Variants in CLPB observed in about 807,000 individuals in gnomAD.
The protein encoded by CLPB is mitochondrial disaggregase.
Under a neutral mutation model 78.4 loss-of-function variants are expected in CLPB, and 40 were observed. The ratio of observed to expected loss-of-function variants is 0.51; its 90% confidence interval spans 0.40 to 0.66. The LOEUF (loss-of-function observed/expected upper bound fraction) is 0.66, where lower values mean the gene tolerates loss of function less well. CLPB is among the 30% of genes least tolerant of loss of function. CLPB has a pLI of 0.00. For synonymous variants in CLPB, 333 were observed against 348.0 expected (o/e 0.96, Z 0.48); for missense variants, 780 against 886.9 (o/e 0.88, Z 1.53).
chr11:72,416,508 G>C (rs1280812332), intron 2 of CLPB, among the ~76,000 whole-genome samples: 1 of 152,100 alleles, frequency 6.6e-6, no homozygotes, highest in African/African-American at 2.4e-5. Context: ...GGCTGAGGCA[G>C]GCAGATCACC....
chr11:72,429,584 G>A (rs1461309970), intron 2 of CLPB, among the ~76,000 whole-genome samples: 1 of 152,178 alleles, frequency 6.6e-6, no homozygotes, highest in African/African-American at 2.4e-5. Flanking sequence ...CCAAGGTTAG[G>A]CCCAGTGGGG....
Position 72,372,499 on chromosome 11 carries a change from C to T in CLPB, c.646+7782G>A, listed in dbSNP as rs117371923. 6.6e-4 allele frequency among the ~76,000 whole-genome samples: 101 copies of T among 152,256 alleles called. No homozygotes were observed. The East Asian group carries it at 7.7e-3, about 12-fold the overall frequency. On this transcript the variant is annotated intron_variant, in intron 4 of 15. Coordinates refer to ENST00000538039, the MANE Select transcript of CLPB (RefSeq NM_001258392.3). ...TCTCTAGGAGTGAAGCTTAAAGTGGCAAAATAAGATCTCTGGTAGGGAGGT... is the reference window on the plus strand; with the variant it reads ...TCTCTAGGAGTGAAGCTTAAAGTGGTAAAATAAGATCTCTGGTAGGGAGGT...
intron 2 of CLPB, among the ~76,000 whole-genome samples, chr11:72,422,252 C>G (rs1856228200): frequency 9.5e-6 from 1 of 104,870 alleles, no homozygotes; most frequent in Non-Finnish European, 1.7e-5. Flanking sequence ...GGTGACAGAG[C>G]AAGACTCCGT....
At chr11:72,301,664 C>G (rs1949657850) in intron 11 of CLPB, 139 bp downstream of exon 11, 1 of 950,490 alleles carries the variant, frequency 1.1e-6, no homozygotes, top group Admixed American at 2.3e-5. Flanking sequence ...GTTGCACCTA[C>G]TGGATGAATG....
chr11:72,295,466 C>T (rs777934066), intron 12 of CLPB, 26 bp downstream of exon 12: 22 of 1,609,048 alleles, frequency 1.4e-5, no homozygotes, highest in Admixed American at 6.7e-5. Flanking sequence ...GTCACTGGAC[C>T]AGACTGCTCA....
intron 5 of CLPB, among the ~76,000 whole-genome samples, chr11:72,338,803 A>G (rs1950367699): frequency 6.6e-6 from 1 of 152,260 alleles, no homozygotes. Flanking sequence ...ATGGGTTCGC[A>G]GAAGCCAAGT....
chr11:72,371,623 C>T (rs995103312), intron 4 of CLPB, among the ~76,000 whole-genome samples: 1 of 150,788 alleles, frequency 6.6e-6, no homozygotes, highest in African/African-American at 2.4e-5. Flanking sequence ...CACAATGTTG[C>T]CCAGGCTGGT....
intron 11 of CLPB, among the ~76,000 whole-genome samples, chr11:72,297,179 C>T (rs1225307505): frequency 1.3e-5 from 2 of 152,226 alleles, no homozygotes; most frequent in African/African-American, 2.4e-5. Flanking sequence ...AGCCAGAAAC[C>T]GTGGCTCTGG....
rs369380599 is a variant in CLPB, at chr11:72,295,516, G to A, written c.1462C>T (p.Arg488Cys). ...QLRQEALEMS[R>C]NRIAENLGDV... is the part of the protein sequence containing the mutation. ...CCCAGGTTTTCGGCAATACGGTTAC[G>A]GCTCATCTCCAAAGCTTCCTGCCTC... Residue 488 changes from arginine to cysteine, a missense_variant, in exon 12 of 16, where the codon CGT becomes TGT. Around this residue, in one of 3 missense-constraint regions of CLPB, gnomAD observed 272 missense variants for 304.0 expected, o/e 0.89. Transcript: ENST00000538039. 18 of 1,614,056 alleles carry A rather than the reference G, an allele frequency of 1.1e-5. No individual in the cohort carries two copies. The highest frequency in any genetic ancestry group is 2.2e-5 in the South Asian group (2 of 91,080).
intron 9 of CLPB, among the ~76,000 whole-genome samples, chr11:72,305,362 C>T (rs567615343): frequency 6.6e-6 from 1 of 152,322 alleles, no homozygotes; most frequent in South Asian, 2.1e-4. Context: ...GTAGATGGGG[C>T]ACTGCTATGG....
chr11:72,434,119 G>C lies in CLPB; in HGVS notation c.356C>G (p.Ala119Gly), dbSNP rs1191592329. The change falls in exon 1 of 16, where the codon GCC becomes GGC. Residue 119 changes from alanine to glycine, a missense_variant. Around this residue, in one of 3 missense-constraint regions of CLPB, gnomAD observed 417 missense variants for 414.7 expected, o/e 1.01. Coordinates refer to ENST00000538039, the MANE Select transcript of CLPB (RefSeq NM_001258392.3). Reference sequence around the variant, plus strand: ...GTAGCAATGAACCACCAGCGCTGCGGCCAGGGCGCACATGCCCAGTCCGGC... The same window carrying C: ...GTAGCAATGAACCACCAGCGCTGCGCCCAGGGCGCACATGCCCAGTCCGGC... ...SRAGLGMCALAAALVVHCYSK... is the reference protein window; with the variant it reads ...SRAGLGMCALGAALVVHCYSK... The C allele has an allele frequency of 2.5e-6, 4 of 1,611,840 alleles. No homozygotes were observed. In the South Asian group the frequency reaches 3.3e-5, roughly 13 times the overall value.
At chr11:72,402,841 A>T (rs1406138715) in intron 3 of CLPB, 125 bp downstream of exon 3, 6 of 707,808 alleles carry the variant, frequency 8.5e-6, no homozygotes, top group East Asian at 2.6e-5. Flanking sequence ...CCAGTACCTC[A>T]GTCTGAATCT....
intron 5 of CLPB, among the ~76,000 whole-genome samples, chr11:72,331,532 T>C (rs1039868316): frequency 3.3e-5 from 5 of 149,936 alleles, no homozygotes; most frequent in African/African-American, 1.2e-4. Context: ...TGGGCCACTG[T>C]GCCCAGCCAC....
At chr11:72,294,247 G>A in intron 14 of CLPB, 78 bp downstream of exon 14, 1 of 1,610,578 alleles carries the variant, frequency 6.2e-7, no homozygotes, top group Non-Finnish European at 8.5e-7. Flanking sequence ...TTATGTGTGT[G>A]GGGGTGCCCC....
intron 2 of CLPB, among the ~76,000 whole-genome samples, chr11:72,409,383 A>AG (rs1415527211): frequency 6.6e-6 from 1 of 152,064 alleles, no homozygotes; most frequent in Non-Finnish European, 1.5e-5. Flanking sequence ...CAGGAGTTCG[A>AG]GACCAGCCCA....
intron 6 of CLPB, among the ~76,000 whole-genome samples, chr11:72,329,474 G>A (rs980204671): frequency 5.9e-5 from 9 of 152,276 alleles, no homozygotes; most frequent in African/African-American, 1.4e-4. Context: ...GGCCAAGGCC[G>A]CTCCCTGGTC....
At chr11:72,321,637 G>T (rs73528897) in intron 6 of CLPB, among the ~76,000 whole-genome samples, 1 of 152,086 alleles carries the variant, frequency 6.6e-6, no homozygotes, top group Non-Finnish European at 1.5e-5. Context: ...CATCCCTCAG[G>T]GCAGAGGTCT....
intron 5 of CLPB, among the ~76,000 whole-genome samples, chr11:72,340,399 C>A (rs555603912): frequency 6.6e-6 from 1 of 152,148 alleles, no homozygotes; most frequent in Non-Finnish European, 1.5e-5. Context: ...GGGATCGATA[C>A]GGAATTTATC....
intron 7 of CLPB, 118 bp downstream of exon 7, chr11:72,316,988 T>A (rs762553534): frequency 3.2e-6 from 2 of 619,988 alleles, no homozygotes; most frequent in Non-Finnish European, 5.5e-6. Flanking sequence ...GGCATGTAGA[T>A]AGTACTCAAC....
Sources: gnomAD v4.1 joint callset for allele counts (sites outside exome capture counted in the v4.1 genomes callset) on GRCh38, gnomAD v4.1.1 for gene constraint, gnomAD v4.1.1 regional missense constraint, MANE v1.5 for transcripts, NCBI Gene and HGNC (gene_info 2026-07-23, HGNC 2026-07-21) for gene names.